CTNNA2: variants seen among roughly 807,000 people sequenced by gnomAD.
The protein encoded by CTNNA2 is catenin alpha 2, also known as catenin alpha-2.
In CTNNA2, 42 loss-of-function variants were observed where a neutral mutation model predicts 101.0. The ratio of observed to expected loss-of-function variants is 0.42; its 90% confidence interval spans 0.32 to 0.54. CTNNA2 has a LOEUF of 0.54. CTNNA2 is among the 20% of genes least tolerant of loss of function. The pLI is 0.14. For synonymous variants in CTNNA2, 450 were observed against 456.4 expected, an observed-to-expected ratio of 0.99 and a Z score of 0.18; for missense variants, 871 against 1,223.1, an observed-to-expected ratio of 0.71 and a Z score of 4.29.
chr2:80,647,969 C>T lies in CTNNA2; in HGVS notation c.*97C>T. The T allele has an allele frequency of 8.5e-7, 1 of 1,183,216 alleles. No individual in the cohort carries two copies. 73.3% of individuals were successfully genotyped at this position (1,183,216 alleles called of 1,614,324 possible). A position where few individuals can be genotyped will look rare whatever the true frequency, so the allele number is the denominator to read the frequency against. Reference sequence around the variant, plus strand: ...TATGCATACCTGCCAGCTCGTATGCCTCTGGCATGGGGAAATTAAGGGAAC... The same window carrying T: ...TATGCATACCTGCCAGCTCGTATGCTTCTGGCATGGGGAAATTAAGGGAAC... On this transcript the variant is annotated 3_prime_UTR_variant, in exon 19 of 19. Coordinates refer to ENST00000402739, the MANE Select transcript of CTNNA2 (RefSeq NM_001282597.3).
At chr2:80,543,031 C>A (rs775864242) in intron 9 of CTNNA2, among the ~76,000 whole-genome samples, 4 of 152,156 alleles carry the variant, frequency 2.6e-5, no homozygotes, top group Non-Finnish European at 5.9e-5. Context: ...TGAAGCTCAA[C>A]TGTATTTTTG....
At chr2:80,049,215 G>A (rs1055132297) in intron 7 of CTNNA2, among the ~76,000 whole-genome samples, 2 of 151,980 alleles carry the variant, frequency 1.3e-5, no homozygotes, top group East Asian at 3.9e-4. Flanking sequence ...TCATTCATGA[G>A]GGGAGCAACA....
At chr2:79,628,817 T>C (rs1679493336) in intron 1 of CTNNA2, among the ~76,000 whole-genome samples, 1 of 152,246 alleles carries the variant, frequency 6.6e-6, no homozygotes, top group Non-Finnish European at 1.5e-5. Context: ...CTGTGACTCT[T>C]GTCTCATGGG....
intron 4 of CTNNA2, among the ~76,000 whole-genome samples, chr2:79,411,999 C>G (rs909310799): frequency 1.6e-4 from 25 of 152,100 alleles, no homozygotes; most frequent in African/African-American, 4.1e-4. Context: ...TTCAGGAAAC[C>G]CATCTCACAT....
At chr2:80,091,489 C>T (rs559325166) in intron 7 of CTNNA2, among the ~76,000 whole-genome samples, 6 of 152,162 alleles carry the variant, frequency 3.9e-5, no homozygotes, top group East Asian at 3.9e-4. Context: ...GTTGTAAAAA[C>T]GATTAGAGAA....
chr2:80,519,257 A>G (rs1040141592), intron 9 of CTNNA2, among the ~76,000 whole-genome samples: 1 of 152,222 alleles, frequency 6.6e-6, no homozygotes, highest in Non-Finnish European at 1.5e-5. Flanking sequence ...GTGAAGTCCT[A>G]GAAGCATTTT....
intron 3 of CTNNA2, among the ~76,000 whole-genome samples, chr2:79,326,158 G>T (rs914597492): frequency 1.3e-5 from 2 of 152,084 alleles, no homozygotes; most frequent in Non-Finnish European, 2.9e-5. Flanking sequence ...TTTTACCTTA[G>T]TGGACTACAA....
chr2:79,568,119 T>C (rs981939675), intron 1 of CTNNA2, among the ~76,000 whole-genome samples: 1 of 152,172 alleles, frequency 6.6e-6, no homozygotes, highest in African/African-American at 2.4e-5. Context: ...AGTCATGTTT[T>C]CAGTGTTCTC....
intron 2 of CTNNA2, among the ~76,000 whole-genome samples, chr2:79,722,209 T>A (rs576752424): frequency 2.1e-4 from 32 of 152,220 alleles, no homozygotes; most frequent in Non-Finnish European, 4.3e-4. Flanking sequence ...AACATAGGCA[T>A]GGGCTCATCA....
At chr2:80,297,956 C>G (rs1675896241) in intron 7 of CTNNA2, among the ~76,000 whole-genome samples, 1 of 151,724 alleles carries the variant, frequency 6.6e-6, no homozygotes, top group Non-Finnish European at 1.5e-5. Flanking sequence ...ATAATGGTCA[C>G]CTGCCTGCGC....
At chr2:79,645,959 C>T (rs1408965685) in intron 1 of CTNNA2, among the ~76,000 whole-genome samples, 1 of 152,094 alleles carries the variant, frequency 6.6e-6, no homozygotes, top group Non-Finnish European at 1.5e-5. Flanking sequence ...AATAAAGCTT[C>T]GTGGAGTTTG....
intron 7 of CTNNA2, among the ~76,000 whole-genome samples, chr2:79,923,105 G>A (rs11126746): frequency 0.32 from 49,128 of 151,880 alleles, 8,460 homozygotes; most frequent in African/African-American, 0.43. Flanking sequence ...CAGCCTTGTG[G>A]GATATTTCTT....
At chr2:80,024,256 A>G (rs1694781900) in intron 7 of CTNNA2, among the ~76,000 whole-genome samples, 1 of 152,154 alleles carries the variant, frequency 6.6e-6, no homozygotes, top group Non-Finnish European at 1.5e-5. Context: ...TGCTGCCTCT[A>G]TGAGTTTTAC....
chr2:80,346,439 C>T (rs1672741624), intron 7 of CTNNA2, among the ~76,000 whole-genome samples: 1 of 152,162 alleles, frequency 6.6e-6, no homozygotes, highest in South Asian at 2.1e-4. Flanking sequence ...CACTTATCAC[C>T]ATGGGGATGG....
chr2:80,629,697 G>C (rs1416466201), intron 18 of CTNNA2, among the ~76,000 whole-genome samples: 1 of 152,088 alleles, frequency 6.6e-6, no homozygotes, highest in Non-Finnish European at 1.5e-5. Context: ...ACTATAGGGA[G>C]CTTGTTGTAG....
chr2:80,424,501 A>ACAG (rs1438053485), intron 9 of CTNNA2, among the ~76,000 whole-genome samples: 4 of 152,092 alleles, frequency 2.6e-5, no homozygotes. Context: ...ATGTGTGTGG[A>ACAG]CAGATATAGA....
intron 9 of CTNNA2, among the ~76,000 whole-genome samples, chr2:80,514,204 T>C (rs1456906956): frequency 6.6e-6 from 1 of 152,138 alleles, no homozygotes. Flanking sequence ...CCAGCCGTGC[T>C]CAACCTCTTG....
At chr2:80,491,449 G>T (rs1005141907) in intron 9 of CTNNA2, among the ~76,000 whole-genome samples, 1 of 152,128 alleles carries the variant, frequency 6.6e-6, no homozygotes, top group Admixed American at 6.5e-5. Context: ...GTTGAATTTT[G>T]TCATCTGAAA....
intron 4 of CTNNA2, among the ~76,000 whole-genome samples, chr2:79,430,796 T>G (rs547081449): frequency 7.2e-6 from 1 of 139,454 alleles, no homozygotes; most frequent in African/African-American, 2.6e-5. Flanking sequence ...CCCACATATC[T>G]TCCCAAGGTT....
Sources: gnomAD v4.1 joint callset for allele counts (sites outside exome capture counted in the v4.1 genomes callset) on GRCh38, gnomAD v4.1.1 for gene constraint, MANE v1.5 for transcripts, NCBI Gene and HGNC (gene_info 2026-07-23, HGNC 2026-07-21) for gene names.